TMX3: variants seen among roughly 807,000 people sequenced by gnomAD.
TMX3 encodes thioredoxin related transmembrane protein 3, also known as protein disulfide-isomerase TMX3.
TMX3 carries 40 observed loss-of-function variants against 64.4 expected under a neutral mutation model. That is an observed-to-expected ratio of 0.62 (90% CI 0.48 to 0.81). The LOEUF (loss-of-function observed/expected upper bound fraction) is 0.81. Ranked by LOEUF, TMX3 falls within the 30% of genes least tolerant of loss-of-function variation. The pLI, the probability that TMX3 is intolerant of heterozygous loss-of-function variation, is 0.00. For synonymous variants in TMX3, 189 were observed against 175.7 expected, an observed-to-expected ratio of 1.08 and a Z score of -0.60; for missense variants, 497 against 534.5, an observed-to-expected ratio of 0.93 and a Z score of 0.69.
chr18:68,680,896 T>C, intron 14 of TMX3, 85 bp downstream of exon 14: 1 of 1,350,546 alleles, frequency 7.4e-7, no homozygotes, highest in Non-Finnish European at 9.8e-7. Flanking sequence ...CAACTATTCT[T>C]TTCAGAATCA....
In TMX3 at chr18:68,713,842, T is replaced by C. The variant is rs780143909; in HGVS notation, c.101+4A>G. The C allele has an allele frequency of 6.7e-7, 1 of 1,483,082 alleles. No individual in the cohort carries two copies. Among genetic ancestry groups the C allele is most frequent in the Non-Finnish European group, 9.3e-7 (1 of 1,077,276 alleles). The allele number at this position is 1,483,082 out of a possible 1,614,324, so 91.9% of individuals were successfully genotyped here. On this transcript the variant is annotated splice_donor_region_variant and intron_variant, in intron 2 of 15. Transcript: ENST00000299608. ...ATATTTTAAATATATATATGTATACTCACGATTCATCTAAATCTTCTACAA... is the reference window on the plus strand; with the variant it reads ...ATATTTTAAATATATATATGTATACCCACGATTCATCTAAATCTTCTACAA...
chr18:68,674,309 G>T lies in TMX3; in HGVS notation c.*2624C>A, dbSNP rs1411275707. 2.0e-5 allele frequency: 3 copies of T among 152,134 alleles called. No individual in the cohort carries two copies. Among genetic ancestry groups the T allele is most frequent in the Admixed American group, 2.0e-4 (3 of 15,274 alleles). The allele number at this position is 152,134 out of a possible 1,614,324, so 9.4% of individuals were successfully genotyped here. A position where few individuals can be genotyped will look rare whatever the true frequency, so the allele number is the denominator to read the frequency against. On this transcript the variant is annotated 3_prime_UTR_variant, in exon 16 of 16. Transcript: ENST00000299608. ...CATAATGAAACAAAAAGAATTGCCAGATATAATGTGGTGCACAGGGTACTC... is the reference window on the plus strand; with the variant it reads ...CATAATGAAACAAAAAGAATTGCCATATATAATGTGGTGCACAGGGTACTC...
intron 10 of TMX3, among the ~76,000 whole-genome samples, chr18:68,686,413 C>G (rs749215089): frequency 2.0e-5 from 3 of 152,122 alleles, no homozygotes; most frequent in Non-Finnish European, 4.4e-5. Context: ...TCATGTGAGT[C>G]TGAAAGAATC....
rs550957387 is a variant in TMX3 at position 68,674,320 on chromosome 18, G to T, written c.*2613C>A. On this transcript the variant is annotated 3_prime_UTR_variant, in exon 16 of 16. Coordinates refer to ENST00000299608, the MANE Select transcript of TMX3 (RefSeq NM_019022.5). ...AAAAAGAATTGCCAGATATAATGTG[G>T]TGCACAGGGTACTCGATAAAAACAT... 1 of 152,116 alleles carries T rather than the reference G, an allele frequency of 6.6e-6. No homozygotes were observed. The highest frequency in any genetic ancestry group is 2.4e-5 in the African/African-American group (1 of 41,436). The allele number at this position is 152,116 out of a possible 1,614,324, so 9.4% of individuals were successfully genotyped here.
chr18:68,698,890 C>T (rs1201738056), intron 6 of TMX3, among the ~76,000 whole-genome samples: 1 of 151,328 alleles, frequency 6.6e-6, no homozygotes, highest in Non-Finnish European at 1.5e-5. Context: ...GGCGTGGTAG[C>T]GGGCGCCTGT....
rs58317251 is a variant in TMX3 at position 68,681,380 on chromosome 18, A to G, written c.906-270T>C. Reference sequence around the variant, plus strand: ...AAAAATCTCAAAAACATTTTATAACATATGTATTGAAAAAAATTCCTATGG... The same window carrying G: ...AAAAATCTCAAAAACATTTTATAACGTATGTATTGAAAAAAATTCCTATGG... On this transcript the variant is annotated intron_variant, in intron 13 of 15. Transcript: ENST00000299608. 10,039 of 718,748 alleles carry G rather than the reference A, an allele frequency of 0.014. 856 individuals carry two copies. In the African/African-American group the frequency reaches 0.17, roughly 12 times the overall value. The allele number at this position is 718,748 out of a possible 1,614,324, so 44.5% of individuals were successfully genotyped here. A position where few individuals can be genotyped will look rare whatever the true frequency, so the allele number is the denominator to read the frequency against.
intron 6 of TMX3, among the ~76,000 whole-genome samples, chr18:68,698,566 G>GA (rs1403844813): frequency 1.3e-5 from 2 of 151,826 alleles, no homozygotes; most frequent in Non-Finnish European, 2.9e-5. Flanking sequence ...ATCATTTACA[G>GA]AAAAAATAAA....
At chr18:68,683,574 C>A (rs890220813) in intron 12 of TMX3, among the ~76,000 whole-genome samples, 4 of 151,994 alleles carry the variant, frequency 2.6e-5, no homozygotes, top group Non-Finnish European at 5.9e-5. Flanking sequence ...TCATTTATGT[C>A]CAATTATAAG....
chr18:68,684,574 A>G, intron 10 of TMX3, 89 bp from the exon 11 acceptor site: 1 of 1,061,628 alleles, frequency 9.4e-7, no homozygotes, highest in Non-Finnish European at 1.4e-6. Flanking sequence ...GGAAATTAGT[A>G]AAGTATTTCT....
intron 9 of TMX3, among the ~76,000 whole-genome samples, chr18:68,690,513 C>T (rs757269672): frequency 6.6e-6 from 1 of 152,010 alleles, no homozygotes; most frequent in African/African-American, 2.4e-5. Flanking sequence ...GGTCAGAGCA[C>T]GGTTTGGAAA....
At chr18:68,705,921 T>C (rs1301855065) in intron 4 of TMX3, among the ~76,000 whole-genome samples, 1 of 152,212 alleles carries the variant, frequency 6.6e-6, no homozygotes, top group African/African-American at 2.4e-5. Context: ...TAATACATGA[T>C]TGAGAAATGA....
intron 5 of TMX3, chr18:68,701,181 A>C (rs1441089886): frequency 4.6e-6 from 1 of 216,940 alleles, no homozygotes; most frequent in East Asian, 1.8e-4. Flanking sequence ...ATATAAATTG[A>C]AATTACTCAA....
intron 9 of TMX3, chr18:68,690,112 A>T (rs955799337): frequency 1.3e-5 from 2 of 152,210 alleles, no homozygotes; most frequent in Non-Finnish European, 2.9e-5. Flanking sequence ...TTTATTGAAA[A>T]GTCTTCTACT....
chr18:68,697,466 G>A (rs1915207914), intron 7 of TMX3, 163 bp from the exon 8 acceptor site: 1 of 421,850 alleles, frequency 2.4e-6, no homozygotes, highest in Non-Finnish European at 4.3e-6. Flanking sequence ...AAATAAAATT[G>A]TTTCCAAGGC....
chr18:68,693,314 C>T lies in TMX3; in HGVS notation c.571-1953G>A, dbSNP rs749318737. Among the ~76,000 whole-genome samples the T allele has an allele frequency of 4.6e-5, 7 of 152,254 alleles. No individual in the cohort carries two copies. The East Asian group carries it at 9.8e-4, about 21-fold the overall frequency. On this transcript the variant is annotated intron_variant, in intron 8 of 15. Coordinates refer to ENST00000299608, the MANE Select transcript of TMX3 (RefSeq NM_019022.5). Reference sequence around the variant, plus strand: ...GCCGGGAACAAGCGGGAGAGTCCTACCTGCTACCAAGTTCGTGGGGTGGGA... The same window carrying T: ...GCCGGGAACAAGCGGGAGAGTCCTATCTGCTACCAAGTTCGTGGGGTGGGA...
At chr18:68,710,436 T>C (rs1272332324) in intron 3 of TMX3, among the ~76,000 whole-genome samples, 3 of 152,190 alleles carry the variant, frequency 2.0e-5, no homozygotes, top group Non-Finnish European at 4.4e-5. Context: ...TCCAAGGAAA[T>C]GTTCTATATG....
intron 2 of TMX3, among the ~76,000 whole-genome samples, chr18:68,712,101 A>T (rs2031339117): frequency 2.6e-5 from 4 of 152,166 alleles, no homozygotes; most frequent in South Asian, 2.1e-4. Context: ...TATCAGATGC[A>T]GTGTTCTTAA....
At chr18:68,701,017 A>G in intron 5 of TMX3, 2 of 985,084 alleles carry the variant, frequency 2.0e-6, no homozygotes, top group Non-Finnish European at 2.4e-6. Flanking sequence ...CTAATTAACT[A>G]AAATTTTAAA....
chr18:68,684,218 C>A lies in TMX3; in HGVS notation c.820G>T (p.Ala274Ser). The A allele has an allele frequency of 1.9e-6, 3 of 1,611,966 alleles. No homozygotes were observed. The highest frequency in any genetic ancestry group is 1.7e-6 in the Non-Finnish European group (2 of 1,178,634). The change falls in exon 12 of 16, where the codon GCA becomes TCA. Residue 274 changes from alanine to serine, a missense_variant. Around this residue, in one of 3 missense-constraint regions of TMX3, gnomAD observed 360 missense variants for 383.5 expected, o/e 0.94. Coordinates refer to ENST00000299608, the MANE Select transcript of TMX3 (RefSeq NM_019022.5). ...TGGAAGAGGTCTCTGTAATCTCTTG[C>A]AACTTCCTGAATAATTGACTTCAAT... ...TRLKSIIQEV[A>S]RDYRDLFHRD...
Sources: allele counts gnomAD v4.1 joint callset (sites outside exome capture counted in the v4.1 genomes callset), GRCh38; gene constraint gnomAD v4.1.1; regional missense constraint gnomAD v4.1.1; transcripts MANE v1.5; gene names NCBI Gene and HGNC (gene_info 2026-07-23, HGNC 2026-07-21).